The following CD96 variants were observed in gnomAD, a reference collection of about 807,000 sequenced individuals.
CD96 encodes the protein T-cell surface protein tactile.
CD96 carries 70 observed loss-of-function variants against 71.3 expected under a neutral mutation model. That is an observed-to-expected ratio of 0.98 (90% CI 0.81 to 1.20). The LOEUF is 1.20. Among genes scored for constraint, CD96 ranks in the 50% most tolerant of loss-of-function variants. The pLI, the probability that CD96 is intolerant of heterozygous loss-of-function variation, is 0.00. For missense variants in CD96, 742 were observed against 677.5 expected, an observed-to-expected ratio of 1.10 and a Z score of -1.06; for synonymous variants, 248 against 233.0, an observed-to-expected ratio of 1.06 and a Z score of -0.59.
chr3:111,597,808 T>G (rs1937326176), intron 5 of CD96, among the ~76,000 whole-genome samples: 1 of 152,174 alleles, frequency 6.6e-6, no homozygotes, highest in African/African-American at 2.4e-5. Flanking sequence ...TAGTATTATT[T>G]TATTCTGCCT....
At chr3:111,593,952 G>T in intron 5 of CD96, 1 of 1,614,076 alleles carries the variant, frequency 6.2e-7, no homozygotes, top group East Asian at 2.2e-5. Flanking sequence ...CGGCTCACCT[G>T]CCTGCCACAC....
intron 8 of CD96, among the ~76,000 whole-genome samples, chr3:111,608,895 G>GA (rs1322968852): frequency 3.3e-5 from 5 of 152,328 alleles, no homozygotes; most frequent in African/African-American, 1.2e-4. Context: ...ACTTGGAAGA[G>GA]AAGGTATACA....
chr3:111,606,243 T>A (rs956135348), intron 7 of CD96, among the ~76,000 whole-genome samples: 1 of 152,224 alleles, frequency 6.6e-6, no homozygotes, highest in Non-Finnish European at 1.5e-5. Flanking sequence ...ATTGGGTAGT[T>A]GTATCATTGT....
chr3:111,656,911 G>A (rs1202332956), downstream of CD96, among the ~76,000 whole-genome samples: 2 of 152,016 alleles, frequency 1.3e-5, no homozygotes, highest in Non-Finnish European at 1.5e-5. Context: ...ACGGATATAT[G>A]GAGAAGTGTC....
intron 8 of CD96, among the ~76,000 whole-genome samples, chr3:111,618,612 T>C (rs1448657740): frequency 1.4e-5 from 2 of 140,798 alleles, no homozygotes; most frequent in Non-Finnish European, 3.0e-5. Context: ...TGAGACAGAG[T>C]CTCGCTCTGT....
In CD96 at chr3:111,645,388, C is replaced by T. The variant is rs148719910; in HGVS notation, c.1478-2155C>T. Among the ~76,000 whole-genome samples the T allele has an allele frequency of 4.4e-3, 675 of 151,952 alleles. 3 individuals are homozygous for T. Among genetic ancestry groups the T allele is most frequent in the African/African-American group, 0.014 (599 of 41,468 alleles). ...ACTTGGAGGGAAGAATGAGAGGGGG[C>T]GAGGGGTAAAAGACTACAAATATGA... On this transcript the variant is annotated intron_variant, in intron 12 of 13. Coordinates refer to ENST00000352690, the MANE Select transcript of CD96 (RefSeq NM_005816.5).
intron 12 of CD96, among the ~76,000 whole-genome samples, chr3:111,647,068 G>A (rs1367295896): frequency 2.8e-5 from 4 of 145,284 alleles, no homozygotes; most frequent in Non-Finnish European, 6.0e-5. Flanking sequence ...CCTACTGAAG[G>A]TTGAGAGGAG....
intron 8 of CD96, among the ~76,000 whole-genome samples, chr3:111,617,041 G>T (rs766122561): frequency 6.6e-6 from 1 of 152,224 alleles, no homozygotes; most frequent in African/African-American, 2.4e-5. Context: ...GGCCAGGTGT[G>T]TGCACACTTG....
At chr3:111,661,865 G>A (rs780574197) in intron 14 of CD96, among the ~76,000 whole-genome samples, 1 of 152,222 alleles carries the variant, frequency 6.6e-6, no homozygotes, top group Non-Finnish European at 1.5e-5. Flanking sequence ...CTGGAGAACA[G>A]TAGCCCTCTT....
At chr3:111,637,121 T>A in intron 10 of CD96, 75 bp from the exon 11 acceptor site, 1 of 797,966 alleles carries the variant, frequency 1.3e-6, no homozygotes, top group Non-Finnish European at 2.3e-6. Context: ...TTATAATTAT[T>A]AGATTAAATT....
At chr3:111,639,688 G>A (rs893598668) in intron 12 of CD96, among the ~76,000 whole-genome samples, 3 of 152,116 alleles carry the variant, frequency 2.0e-5, no homozygotes, top group Admixed American at 1.3e-4. Context: ...CAAAAACAAA[G>A]CATTAAACCA....
At chr3:111,617,071 A>G (rs1938277676) in intron 8 of CD96, among the ~76,000 whole-genome samples, 1 of 152,122 alleles carries the variant, frequency 6.6e-6, no homozygotes, top group African/African-American at 2.4e-5. Flanking sequence ...TGACACACCA[A>G]TCCCCCACCT....
intron 12 of CD96, among the ~76,000 whole-genome samples, chr3:111,640,398 C>T (rs546218465): frequency 1.3e-5 from 2 of 151,976 alleles, no homozygotes; most frequent in Non-Finnish European, 2.9e-5. Context: ...ATTCAGAGCT[C>T]AAAAGCAAGA....
chr3:111,567,029 C>T (rs1513322), intron 2 of CD96, among the ~76,000 whole-genome samples: 38,931 of 151,838 alleles, frequency 0.26, 5,372 homozygotes, highest in African/African-American at 0.32. Flanking sequence ...ACAAATGTAC[C>T]GCTGTGGAAC....
Position 111,563,841 on chromosome 3 carries a change from T to C in CD96, c.419-3682T>C, listed in dbSNP as rs188638999. Among the ~76,000 whole-genome samples the C allele has an allele frequency of 8.5e-5, 13 of 152,342 alleles. No homozygotes were observed. In the East Asian group the frequency reaches 2.3e-3, roughly 27 times the overall value. On this transcript the variant is annotated intron_variant, in intron 2 of 13. Transcript: ENST00000352690. ...AATGCATCTCCAGTTTGAAATGTAT[T>C]CTATTGGAGAATCCTCAGGAAAGGC...
intron 10 of CD96, chr3:111,634,939 T>A (rs567095312): frequency 6.6e-6 from 1 of 152,352 alleles, no homozygotes; most frequent in African/African-American, 2.4e-5. Flanking sequence ...CTGCTGAGAC[T>A]CCCAAGAAGA....
At chr3:111,663,944 G>T (rs1301163083) in intron 14 of CD96, among the ~76,000 whole-genome samples, 2 of 152,064 alleles carry the variant, frequency 1.3e-5, no homozygotes, top group African/African-American at 4.8e-5. Context: ...TAGAGATGGG[G>T]TTTCACCATG....
intron 2 of CD96, among the ~76,000 whole-genome samples, chr3:111,546,989 A>C (rs1934441130): frequency 6.7e-6 from 1 of 148,778 alleles, no homozygotes; most frequent in Admixed American, 6.8e-5. Flanking sequence ...ATTGAAGTAA[A>C]GAGAAATGGA....
chr3:111,661,393 A>G (rs959004628), intron 14 of CD96, among the ~76,000 whole-genome samples: 2 of 152,184 alleles, frequency 1.3e-5, no homozygotes, highest in Non-Finnish European at 2.9e-5. Context: ...AAATACAATC[A>G]TGCCTTCCTA....
Sources: gnomAD v4.1 joint callset for allele counts (sites outside exome capture counted in the v4.1 genomes callset) on GRCh38, gnomAD v4.1.1 for gene constraint, MANE v1.5 for transcripts, NCBI Gene and HGNC (gene_info 2026-07-23, HGNC 2026-07-21) for gene names.